The following PTPRR variants were observed in gnomAD, a reference collection of about 807,000 sequenced individuals.
PTPRR encodes receptor-type tyrosine-protein phosphatase R.
Under a neutral mutation model 77.2 loss-of-function variants are expected in PTPRR, and 38 were observed. That is an observed-to-expected ratio of 0.49 (90% CI 0.38 to 0.65). The LOEUF is 0.65. Ranked by LOEUF, PTPRR falls within the 30% of genes least tolerant of loss-of-function variation. PTPRR has a pLI of 0.00. For missense variants in PTPRR, 744 were observed against 799.2 expected (o/e 0.93, Z 0.83); for synonymous variants, 299 against 283.1 (o/e 1.06, Z -0.57).
intron 1 of PTPRR, among the ~76,000 whole-genome samples, chr12:70,919,851 T>C (rs566088044): frequency 1.3e-5 from 2 of 152,112 alleles, no homozygotes; most frequent in African/African-American, 4.8e-5. Flanking sequence ...ATGTGAACCA[T>C]GTATTTCGAT....
chr12:70,866,951 A>C (rs1390151698), intron 2 of PTPRR, among the ~76,000 whole-genome samples: 1 of 151,784 alleles, frequency 6.6e-6, no homozygotes, highest in Non-Finnish European at 1.5e-5. Context: ...ATCTCAATAG[A>C]TGCAGAAAAG....
chr12:70,689,442 A>G (rs1406642523), intron 8 of PTPRR, among the ~76,000 whole-genome samples: 1 of 151,974 alleles, frequency 6.6e-6, no homozygotes, highest in East Asian at 1.9e-4. Flanking sequence ...AATCTATTAC[A>G]CCCTTTGTAA....
chr12:70,642,656 G>A (rs150936687), intron 13 of PTPRR, among the ~76,000 whole-genome samples: 34 of 152,030 alleles, frequency 2.2e-4, no homozygotes, highest in Non-Finnish European at 4.7e-4. Context: ...AAGCACTTAC[G>A]AGTCCTAGGT....
intron 6 of PTPRR, among the ~76,000 whole-genome samples, chr12:70,739,985 G>C (rs1322307100): frequency 6.6e-6 from 1 of 152,098 alleles, no homozygotes; most frequent in Non-Finnish European, 1.5e-5. Flanking sequence ...GATGGTATAG[G>C]ACATCTGAGG....
At chr12:70,852,295 C>CA (rs1892583964) in intron 2 of PTPRR, among the ~76,000 whole-genome samples, 1 of 152,028 alleles carries the variant, frequency 6.6e-6, no homozygotes, top group African/African-American at 2.4e-5. Flanking sequence ...AAATTAAACA[C>CA]CAATGTCAAC....
chr12:70,909,987 A>T (rs1193266444), intron 1 of PTPRR, among the ~76,000 whole-genome samples: 3 of 152,218 alleles, frequency 2.0e-5, no homozygotes, highest in Non-Finnish European at 4.4e-5. Flanking sequence ...CTAGTATTTT[A>T]AAAATTGGGA....
intron 6 of PTPRR, among the ~76,000 whole-genome samples, chr12:70,708,658 T>C (rs990574781): frequency 6.6e-6 from 1 of 152,016 alleles, no homozygotes; most frequent in Non-Finnish European, 1.5e-5. Flanking sequence ...ATGATAGTAG[T>C]TCTATTTTTA....
chr12:70,770,572 C>G (rs1235767574), intron 2 of PTPRR, among the ~76,000 whole-genome samples: 6 of 152,184 alleles, frequency 3.9e-5, no homozygotes, highest in Admixed American at 6.5e-5. Flanking sequence ...GGACTGTAAA[C>G]TAGTTCAACC....
At chr12:70,685,258 C>T (rs1324669346) in intron 8 of PTPRR, among the ~76,000 whole-genome samples, 1 of 151,962 alleles carries the variant, frequency 6.6e-6, no homozygotes, top group African/African-American at 2.4e-5. Flanking sequence ...CCTGATCTTC[C>T]GAGATGGATG....
At chr12:70,795,325 G>A (rs1891492801) in intron 2 of PTPRR, among the ~76,000 whole-genome samples, 1 of 152,150 alleles carries the variant, frequency 6.6e-6, no homozygotes, top group South Asian at 2.1e-4. Context: ...GAAGACTCAA[G>A]CAAGTTCAAG....
At chr12:70,897,030 T>A (rs1481956141) in intron 1 of PTPRR, among the ~76,000 whole-genome samples, 1 of 151,910 alleles carries the variant, frequency 6.6e-6, no homozygotes, top group Non-Finnish European at 1.5e-5. Context: ...TAGTATAGTT[T>A]GAAGTCAGGT....
At chr12:70,746,164 G>A in intron 5 of PTPRR, 78 bp from the exon 6 acceptor site, 2 of 1,372,780 alleles carry the variant, frequency 1.5e-6, no homozygotes, top group Non-Finnish European at 2.0e-6. Context: ...ACCCCACCCT[G>A]GCCGACAAAC....
intron 1 of PTPRR, among the ~76,000 whole-genome samples, chr12:70,895,042 T>C (rs1199131297): frequency 6.6e-6 from 1 of 151,700 alleles, no homozygotes; most frequent in Non-Finnish European, 1.5e-5. Context: ...AATAAAGCAC[T>C]TGGGCTAAGA....
chr12:70,639,926 C>G (rs901718515), intron 13 of PTPRR, among the ~76,000 whole-genome samples: 4 of 152,240 alleles, frequency 2.6e-5, no homozygotes, highest in East Asian at 1.9e-4. Flanking sequence ...CAACCTTAGC[C>G]TTTTGGTGTA....
At chr12:70,647,359 A>G (rs546371462) in intron 13 of PTPRR, among the ~76,000 whole-genome samples, 43 of 152,342 alleles carry the variant, frequency 2.8e-4, no homozygotes, top group Admixed American at 2.5e-3. Flanking sequence ...GCCTGCTTAG[A>G]TGTCTTCTGA....
intron 2 of PTPRR, among the ~76,000 whole-genome samples, chr12:70,768,849 T>A (rs1890895998): frequency 1.3e-5 from 2 of 151,518 alleles, no homozygotes; most frequent in African/African-American, 4.9e-5. Flanking sequence ...GCAAGGCTGG[T>A]TCAATATATG....
intron 2 of PTPRR, among the ~76,000 whole-genome samples, chr12:70,838,496 G>A (rs76983441): frequency 4.6e-5 from 7 of 152,120 alleles, no homozygotes; most frequent in Non-Finnish European, 1.0e-4. Flanking sequence ...TTGCATCACA[G>A]GTCATTGATT....
At chr12:70,727,406 G>A (rs1889480568) in intron 6 of PTPRR, among the ~76,000 whole-genome samples, 1 of 151,840 alleles carries the variant, frequency 6.6e-6, no homozygotes. Context: ...TTTAAAATGG[G>A]TTATAAGAAT....
At chr12:70,895,943 C>T (rs914353657) in intron 1 of PTPRR, among the ~76,000 whole-genome samples, 1 of 151,672 alleles carries the variant, frequency 6.6e-6, no homozygotes, top group African/African-American at 2.4e-5. Context: ...TTCCCTCTCT[C>T]TCCTATCAAT....
Sources: gnomAD v4.1 joint callset for allele counts (sites outside exome capture counted in the v4.1 genomes callset) on GRCh38, gnomAD v4.1.1 for gene constraint, MANE v1.5 for transcripts, NCBI Gene and HGNC (gene_info 2026-07-23, HGNC 2026-07-21) for gene names.